The following LPIN2 variants were observed in gnomAD, a reference collection of about 807,000 sequenced individuals.
The protein encoded by LPIN2 is phosphatidate phosphatase LPIN2.
Under a neutral mutation model 111.4 loss-of-function variants are expected in LPIN2, and 55 were observed. The ratio of observed to expected loss-of-function variants is 0.49; its 90% confidence interval spans 0.40 to 0.62. LPIN2 has a LOEUF of 0.62. LPIN2 is among the 20% of genes least tolerant of loss of function. LPIN2 has a pLI of 0.00. For synonymous variants in LPIN2, 425 were observed against 414.0 expected (o/e 1.03, Z -0.32); for missense variants, 992 against 1,112.1 (o/e 0.89, Z 1.54).
intron 1 of LPIN2, among the ~76,000 whole-genome samples, chr18:2,990,187 T>G (rs1471033728): frequency 1.3e-5 from 2 of 152,326 alleles, no homozygotes; most frequent in South Asian, 4.1e-4. Flanking sequence ...AATGGATTAA[T>G]GACCTAAAAC....
At chr18:2,993,404 T>C (rs2078296202) in intron 1 of LPIN2, among the ~76,000 whole-genome samples, 2 of 152,220 alleles carry the variant, frequency 1.3e-5, no homozygotes. Context: ...TTTGAACAAC[T>C]CACTGAATAT....
At chr18:2,999,887 C>A (rs1247441301) in intron 1 of LPIN2, among the ~76,000 whole-genome samples, 1 of 152,118 alleles carries the variant, frequency 6.6e-6, no homozygotes, top group African/African-American at 2.4e-5. Context: ...AAGACCCTGT[C>A]TCTACAAAAA....
intron 2 of LPIN2, among the ~76,000 whole-genome samples, chr18:2,958,171 A>AAAAAAAC (rs2077650441): frequency 1.4e-5 from 2 of 146,284 alleles, no homozygotes; most frequent in East Asian, 4.0e-4. Flanking sequence ...CAAAAAAAAA[A>AAAAAAAC]AACAGAAAAA....
rs147263652 is a variant in LPIN2 at position 2,974,011 on chromosome 18, T to C, written c.-9-13162A>G. Among the ~76,000 whole-genome samples the C allele has an allele frequency of 2.6e-5, 4 of 152,350 alleles. No homozygotes were observed. In the East Asian group the frequency reaches 7.7e-4, roughly 29 times the overall value. Reference sequence around the variant, plus strand: ...AGGCATTTGTGTGAACATAATTTCATTTTATTTGGATATTTTAAAACGGGA... The same window carrying C: ...AGGCATTTGTGTGAACATAATTTCACTTTATTTGGATATTTTAAAACGGGA... On this transcript the variant is annotated intron_variant, in intron 1 of 19. Transcript: ENST00000677752.
In LPIN2 at chr18:2,931,303, G is replaced by C. The variant is rs2077210116; in HGVS notation, c.1409C>G (p.Thr470Ser). Residue 470 changes from threonine to serine, a missense_variant, in exon 9 of 20, where the codon ACC (threonine) becomes AGC (serine). Physicochemically the swap from Thr to Ser is moderately conservative, Grantham distance 58 (BLOSUM62 1). This residue lies in a region of LPIN2 where 709 missense variants were observed against 753.2 expected (regional missense o/e 0.94). Coordinates refer to ENST00000677752, the MANE Select transcript of LPIN2 (RefSeq NM_001375808.2). ...ACTGAGGCCCCCGCAAAGGGAGAGG[G>C]TAACGTCAGGCAAGTCCATGGCAGA... Reference protein sequence around the residue: ...SDSAMDLPDVTLSLCGGLSEN... With the variant: ...SDSAMDLPDVSLSLCGGLSEN... 1 of 1,614,068 alleles carries C rather than the reference G, an allele frequency of 6.2e-7. No individual in the cohort carries two copies. The highest frequency in any genetic ancestry group is 1.7e-5 in the Admixed American group (1 of 60,002).
rs1397704347 is a variant in LPIN2 at position 2,959,102 on chromosome 18, A to G, written c.192+1547T>C. Among the ~76,000 whole-genome samples, 4 of 152,212 alleles carry G rather than the reference A, an allele frequency of 2.6e-5. No homozygotes were observed. In the East Asian group the frequency reaches 5.8e-4, roughly 22 times the overall value. On this transcript the variant is annotated intron_variant, in intron 2 of 19. Coordinates refer to ENST00000677752, the MANE Select transcript of LPIN2 (RefSeq NM_001375808.2). ...ATTTCAGAGAACCTAAACTATGGCT[A>G]AATAACACTGTTTTGCAATGGAAAG...
intron 1 of LPIN2, among the ~76,000 whole-genome samples, chr18:2,997,853 G>A (rs666284): frequency 0.91 from 139,140 of 152,234 alleles, 64,414 homozygotes; most frequent in East Asian, 1. Context: ...CAGTCCCCCA[G>A]CTTCCCAGAG....
chr18:2,968,494 T>C (rs1273742618), intron 1 of LPIN2, among the ~76,000 whole-genome samples: 1 of 152,176 alleles, frequency 6.6e-6, no homozygotes, highest in African/African-American at 2.4e-5. Flanking sequence ...TTGAAAGAGA[T>C]ATAACAAATA....
intron 1 of LPIN2, 149 bp from the exon 2 acceptor site, chr18:2,960,998 T>C: frequency 1.3e-6 from 1 of 743,508 alleles, no homozygotes; most frequent in Non-Finnish European, 2.4e-6. Context: ...AACAGTCTCA[T>C]GCTACCATTG....
intron 4 of LPIN2, among the ~76,000 whole-genome samples, chr18:2,945,086 C>T (rs2077430139): frequency 6.6e-6 from 1 of 152,088 alleles, no homozygotes; most frequent in South Asian, 2.1e-4. Context: ...AGCTTCATCT[C>T]TTCCTTAAAT....
In LPIN2 at chr18:2,926,455, G is replaced by A. The variant is rs142329002; in HGVS notation, c.1793+268C>T. ...GATGCAGGGGGAGCAGAGGCACCTG[G>A]GCCAACATGGCTGAAGCGTTCCTCA... On this transcript the variant is annotated intron_variant, in intron 13 of 19. Coordinates refer to ENST00000677752, the MANE Select transcript of LPIN2 (RefSeq NM_001375808.2). 0.013 allele frequency among the ~76,000 whole-genome samples: 2,047 copies of A among 152,242 alleles called. 53 individuals are homozygous for A. The highest frequency in any genetic ancestry group is 0.047 in the African/African-American group (1,941 of 41,520).
Position 2,929,169 on chromosome 18 carries a change from AAAT to A in LPIN2, c.1457-14_1457-12del, listed in dbSNP as rs753828981. On this transcript the variant is annotated splice_polypyrimidine_tract_variant and intron_variant, in intron 9 of 19. Transcript: ENST00000677752. ...GCTCCATGAATTTTTCTGCAATGTA[AAAT>A]AATAATCAATTTGGTTAGAGATTAC... The A allele has an allele frequency of 2.7e-5, 41 of 1,519,806 alleles. No homozygotes were observed. The highest frequency in any genetic ancestry group is 3.7e-5 in the Non-Finnish European group (40 of 1,094,600). 94.1% of individuals were successfully genotyped at this position (1,519,806 alleles called of 1,614,324 possible).
At chr18:2,930,109 C>G (rs949537586) in intron 9 of LPIN2, among the ~76,000 whole-genome samples, 1 of 152,194 alleles carries the variant, frequency 6.6e-6, no homozygotes, top group Non-Finnish European at 1.5e-5. Context: ...TCTAGGCTAA[C>G]AGAGAAACTG....
intron 2 of LPIN2, among the ~76,000 whole-genome samples, chr18:2,956,389 G>C (rs1327117456): frequency 6.7e-6 from 1 of 148,572 alleles, no homozygotes; most frequent in Non-Finnish European, 1.5e-5. Flanking sequence ...GCCAGCTTGG[G>C]CTGCCTAGAA....
Position 2,950,596 on chromosome 18 carries a change from AG to A in LPIN2, c.590+458del, listed in dbSNP as rs751269354. The A allele has an allele frequency of 6.5e-5, 13 of 199,874 alleles. 1 individual carries two copies. The highest frequency in any genetic ancestry group is 4.3e-4 in the South Asian group (5 of 11,566). 12.4% of individuals were successfully genotyped at this position (199,874 alleles called of 1,614,324 possible). A position where few individuals can be genotyped will look rare whatever the true frequency, so the allele number is the denominator to read the frequency against. ...CATATAATGAGCTCTTCTACAGAGC[AG>A]GTAAATAAGCAGCGATCAAGACTGC... is the stretch of plus-strand genomic sequence containing the variant. On this transcript the variant is annotated intron_variant, in intron 4 of 19. Coordinates refer to ENST00000677752, the MANE Select transcript of LPIN2 (RefSeq NM_001375808.2).
intron 4 of LPIN2, chr18:2,945,648 C>A (rs2077439624): frequency 6.9e-7 from 1 of 1,453,004 alleles, no homozygotes; most frequent in Non-Finnish European, 9.7e-7. Context: ...TGATTTCAAT[C>A]TTTGTTGCAG....
At chr18:2,962,170 T>C (rs1481189228) in intron 1 of LPIN2, among the ~76,000 whole-genome samples, 1 of 152,216 alleles carries the variant, frequency 6.6e-6, no homozygotes, top group Non-Finnish European at 1.5e-5. Flanking sequence ...TTCCTGTTCC[T>C]ACACGCGGAT....
intron 1 of LPIN2, among the ~76,000 whole-genome samples, chr18:3,012,286 T>C (rs574077813): frequency 1.3e-5 from 2 of 152,338 alleles, no homozygotes; most frequent in East Asian, 3.9e-4. Flanking sequence ...GTTCCAGTAC[T>C]TTTCGGAAAG....
rs2077209843 is a variant in LPIN2 at position 2,931,289 on chromosome 18, C to T, written c.1423G>A (p.Gly475Arg). 1.2e-6 allele frequency: 2 copies of T among 1,614,178 alleles called. No individual in the cohort carries two copies. Among genetic ancestry groups the T allele is most frequent in the Non-Finnish European group, 1.7e-6 (2 of 1,180,038 alleles). ...ATTTCTCCATTTTCACTGAGGCCCC[C>T]GCAAAGGGAGAGGGTAACGTCAGGC... ...DLPDVTLSLCGGLSENGEISK... is the reference protein window; with the variant it reads ...DLPDVTLSLCRGLSENGEISK... Residue 475 changes from glycine to arginine, a missense_variant, in exon 9 of 20, where the codon GGG (glycine) becomes AGG (arginine). Around this residue, in one of 4 missense-constraint regions of LPIN2, gnomAD observed 709 missense variants for 753.2 expected, o/e 0.94. Coordinates refer to ENST00000677752, the MANE Select transcript of LPIN2 (RefSeq NM_001375808.2).
Sources: gnomAD v4.1 joint callset for allele counts (sites outside exome capture counted in the v4.1 genomes callset) on GRCh38, gnomAD v4.1.1 for gene constraint, gnomAD v4.1.1 regional missense constraint, MANE v1.5 for transcripts, NCBI Gene and HGNC (gene_info 2026-07-23, HGNC 2026-07-21) for gene names.